RBFOX1: variants seen among roughly 807,000 people sequenced by gnomAD.
The protein encoded by RBFOX1 is RNA binding protein fox-1 homolog 1.
In RBFOX1, 8 loss-of-function variants were observed where a neutral mutation model predicts 57.7. The ratio of observed to expected loss-of-function variants is 0.14; its 90% CI spans 0.08 to 0.25. The LOEUF (loss-of-function observed/expected upper bound fraction) is 0.25. RBFOX1 is among the 10% of genes least tolerant of loss of function. The pLI is 1.00. For synonymous variants in RBFOX1, 326 were observed against 222.4 expected (o/e 1.47, Z -4.15); for missense variants, 611 against 548.5 (o/e 1.11, Z -1.14).
At chr16:5,609,821 G>A (rs942254496) in intron 3 of RBFOX1, among the ~76,000 whole-genome samples, 1 of 151,030 alleles carries the variant, frequency 6.6e-6, no homozygotes. Flanking sequence ...ACTGTTCTAG[G>A]AGCTGCGGAG....
At chr16:5,702,877 G>C (rs2051102507) in intron 3 of RBFOX1, among the ~76,000 whole-genome samples, 1 of 152,152 alleles carries the variant, frequency 6.6e-6, no homozygotes. Context: ...AGGTCTTCTT[G>C]GTTGTGAATA....
intron 3 of RBFOX1, among the ~76,000 whole-genome samples, chr16:6,911,202 CAA>C (rs34017800): frequency 0.76 from 104,983 of 138,606 alleles, 38,783 homozygotes; most frequent in East Asian, 0.86. Flanking sequence ...AATTGTGTCT[CAA>C]AAAAAAAAAA....
At chr16:6,762,078 T>C (rs1044328841) in intron 3 of RBFOX1, among the ~76,000 whole-genome samples, 10 of 152,166 alleles carry the variant, frequency 6.6e-5, no homozygotes, top group East Asian at 1.9e-4. Flanking sequence ...TCTCCACATG[T>C]GGTTCTATCT....
intron 4 of RBFOX1, among the ~76,000 whole-genome samples, chr16:7,159,305 G>A (rs769229766): frequency 1.3e-5 from 2 of 152,148 alleles, no homozygotes; most frequent in Non-Finnish European, 2.9e-5. Context: ...CATTGTCACT[G>A]CGTCATGCCT....
At chr16:6,477,369 G>A (rs930947373) in intron 2 of RBFOX1, among the ~76,000 whole-genome samples, 1 of 152,302 alleles carries the variant, frequency 6.6e-6, no homozygotes, top group Middle Eastern at 3.4e-3. Context: ...TTGGCTGCAG[G>A]AACCTATATT....
At chr16:5,952,567 A>AT (rs1345755068) in intron 4 of RBFOX1, among the ~76,000 whole-genome samples, 1 of 152,194 alleles carries the variant, frequency 6.6e-6, no homozygotes, top group Non-Finnish European at 1.5e-5. Context: ...GATTACAGGC[A>AT]TAAGTCACCA....
chr16:7,174,094 C>T (rs111783342), intron 4 of RBFOX1, among the ~76,000 whole-genome samples: 1 of 152,090 alleles, frequency 6.6e-6, no homozygotes, highest in African/African-American at 2.4e-5. Flanking sequence ...CTAGATTTGC[C>T]TTTCCTGGAC....
chr16:6,936,899 A>T (rs1015058617), intron 3 of RBFOX1, among the ~76,000 whole-genome samples: 34 of 128,240 alleles, frequency 2.7e-4, no homozygotes, highest in Admixed American at 1.7e-3. Flanking sequence ...CCAGAGTGTG[A>T]TGTTCCCCTT....
chr16:7,626,041 G>A (rs972551577), intron 10 of RBFOX1, among the ~76,000 whole-genome samples: 1 of 152,196 alleles, frequency 6.6e-6, no homozygotes, highest in East Asian at 1.9e-4. Flanking sequence ...CCAGACAAAG[G>A]TACATAGATA....
At chr16:5,955,624 G>A (rs1275625847) in intron 4 of RBFOX1, among the ~76,000 whole-genome samples, 3 of 152,088 alleles carry the variant, frequency 2.0e-5, no homozygotes, top group Non-Finnish European at 4.4e-5. Context: ...GACTTTTTGT[G>A]ATGAGCACTG....
intron 1 of RBFOX1, among the ~76,000 whole-genome samples, chr16:6,210,587 T>C (rs145429657): frequency 2.2e-4 from 33 of 151,946 alleles, no homozygotes; most frequent in African/African-American, 7.7e-4. Context: ...CTGGGTGAGA[T>C]GGTGCATGTC....
At chr16:6,893,358 G>C (rs1567750739) in intron 3 of RBFOX1, among the ~76,000 whole-genome samples, 3 of 152,166 alleles carry the variant, frequency 2.0e-5, no homozygotes, top group Admixed American at 6.6e-5. Context: ...ACACGATCAA[G>C]TCACAAAAGC....
chr16:5,920,663 G>A (rs13334282), intron 4 of RBFOX1, among the ~76,000 whole-genome samples: 7 of 152,120 alleles, frequency 4.6e-5, no homozygotes, highest in Admixed American at 6.5e-5. Context: ...GTGGGGCAGC[G>A]GGGAGACCAG....
intron 1 of RBFOX1, among the ~76,000 whole-genome samples, chr16:5,445,796 A>T (rs2068222523): frequency 6.6e-6 from 1 of 152,244 alleles, no homozygotes; most frequent in Non-Finnish European, 1.5e-5. Flanking sequence ...AAAGAGGAAC[A>T]TGCTGACCCA....
At chr16:6,605,772 C>T (rs955900502) in intron 2 of RBFOX1, among the ~76,000 whole-genome samples, 5 of 152,118 alleles carry the variant, frequency 3.3e-5, no homozygotes, top group East Asian at 1.9e-4. Flanking sequence ...ACGGGCATTT[C>T]ATTATGAAAC....
chr16:7,702,930 C>T (rs2081243909), intron 14 of RBFOX1, among the ~76,000 whole-genome samples: 1 of 152,218 alleles, frequency 6.6e-6, no homozygotes, highest in Non-Finnish European at 1.5e-5. Flanking sequence ...AGAATCACTT[C>T]TTCCTGGGTG....
intron 1 of RBFOX1, among the ~76,000 whole-genome samples, chr16:6,129,111 A>G (rs1447495817): frequency 1.3e-5 from 2 of 152,228 alleles, no homozygotes; most frequent in African/African-American, 4.8e-5. Context: ...TGTTCAACAT[A>G]CCACAAAATT....
intron 2 of RBFOX1, among the ~76,000 whole-genome samples, chr16:6,523,021 T>G (rs941372955): frequency 1.3e-5 from 2 of 152,230 alleles, no homozygotes; most frequent in Non-Finnish European, 2.9e-5. Context: ...CCATCCTACA[T>G]AAGAAAACTC....
chr16:6,445,900 G>T (rs755934263), intron 2 of RBFOX1, among the ~76,000 whole-genome samples: 1 of 151,840 alleles, frequency 6.6e-6, no homozygotes, highest in Non-Finnish European at 1.5e-5. Context: ...CTCTTTAAAG[G>T]TGAGGCTCAT....
Sources: gnomAD v4.1 joint callset for allele counts (sites outside exome capture counted in the v4.1 genomes callset) on GRCh38, gnomAD v4.1.1 for gene constraint, MANE v1.5 for transcripts, NCBI Gene and HGNC (gene_info 2026-07-23, HGNC 2026-07-21) for gene names.